The following PRPH2 variants were observed in gnomAD, a reference collection of about 807,000 sequenced individuals.
The protein encoded by PRPH2 is peripherin-2.
Under a neutral mutation model 31.3 loss-of-function variants are expected in PRPH2, and 17 were observed. The ratio of observed to expected loss-of-function variants is 0.54; its 90% CI spans 0.37 to 0.81. PRPH2 has a LOEUF of 0.81. PRPH2 is among the 40% of genes least tolerant of loss of function. The pLI is 0.00. For synonymous variants in PRPH2, 165 were observed against 184.4 expected (o/e 0.89, Z 0.85); for missense variants, 430 against 439.7 (o/e 0.98, Z 0.20).
chr6:42,720,176 G>A (rs956663251), intron 1 of PRPH2, among the ~76,000 whole-genome samples: 8 of 152,188 alleles, frequency 5.3e-5, no homozygotes, highest in African/African-American at 1.9e-4. Context: ...ACCATTGAGA[G>A]TGGAGTGACC....
chr6:42,717,705 C>T (rs1761814855), intron 1 of PRPH2, among the ~76,000 whole-genome samples: 1 of 152,020 alleles, frequency 6.6e-6, no homozygotes, highest in Non-Finnish European at 1.5e-5. Flanking sequence ...GGAGTAAATG[C>T]CATTCCACAG....
At chr6:42,702,229 T>G in intron 2 of PRPH2, among the ~76,000 whole-genome samples, 1 of 145,980 alleles carries the variant, frequency 6.9e-6, no homozygotes. Flanking sequence ...GCAACAAGAG[T>G]GAAACTCTGT....
At position 42,722,090 on chromosome 6, in the gene PRPH2, C is replaced by A; in HGVS notation, c.245G>T (p.Cys82Phe). 6.2e-7 allele frequency: 1 copy of A among 1,614,192 alleles called. No homozygotes were observed. Among genetic ancestry groups the A allele is most frequent in the Non-Finnish European group, 8.5e-7 (1 of 1,180,036 alleles). The change falls in exon 1 of 3, where the codon TGC becomes TTC. Residue 82 changes from cysteine (C) to phenylalanine (F), a missense_variant. Cys to Phe is a radical substitution (Grantham distance 205). Coordinates refer to ENST00000230381, the MANE Select transcript of PRPH2 (RefSeq NM_000322.5). The surrounding 1 kb of genome is among the most constrained non-coding windows in gnomAD (Gnocchi z 4.4). Reference sequence around the variant, plus strand: ...CTTGGCTGGGTCCAGGGCGTCGTAGCAGATCTTCCCAGCCAGCGAGTTGAA... The same window carrying A: ...CTTGGCTGGGTCCAGGGCGTCGTAGAAGATCTTCCCAGCCAGCGAGTTGAA... ...CVFNSLAGKI[C>F]YDALDPAKYA...
intron 1 of PRPH2, among the ~76,000 whole-genome samples, chr6:42,706,498 G>A (rs12207176): frequency 0.26 from 39,387 of 151,212 alleles, 5,618 homozygotes; most frequent in African/African-American, 0.38. Context: ...CCAGCTATTC[G>A]GGAGGCTGAG....
intron 2 of PRPH2, among the ~76,000 whole-genome samples, chr6:42,702,907 T>C (rs904325402): frequency 6.6e-6 from 1 of 151,760 alleles, no homozygotes; most frequent in Non-Finnish European, 1.5e-5. Context: ...CCAGATGCAG[T>C]GGCACACACC....
intron 1 of PRPH2, among the ~76,000 whole-genome samples, chr6:42,716,028 G>A (rs974163823): frequency 9.2e-5 from 14 of 152,204 alleles, no homozygotes; most frequent in Non-Finnish European, 1.5e-4. Context: ...AGAATGGAAA[G>A]TTATTCCAGG....
intron 1 of PRPH2, 37 bp from the exon 2 acceptor site, chr6:42,704,648 G>A (rs369211324): frequency 8.1e-6 from 13 of 1,613,918 alleles, no homozygotes; most frequent in South Asian, 2.2e-5. Context: ...TGGGCTTCCC[G>A]GGCTTCTCAA....
chr6:42,719,244 C>G (rs1212108974), intron 1 of PRPH2, among the ~76,000 whole-genome samples: 3 of 151,450 alleles, frequency 2.0e-5, no homozygotes, highest in Non-Finnish European at 4.4e-5. Flanking sequence ...TCTCGGCTCA[C>G]TGCAACCCCC....
At chr6:42,716,340 G>A (rs1019785380) in intron 1 of PRPH2, among the ~76,000 whole-genome samples, 2 of 151,830 alleles carry the variant, frequency 1.3e-5, no homozygotes, top group Non-Finnish European at 2.9e-5. Context: ...TGGGATGGTT[G>A]CTTGAAACCA....
intron 2 of PRPH2, among the ~76,000 whole-genome samples, chr6:42,703,545 G>C (rs941331147): frequency 6.6e-6 from 1 of 152,182 alleles, no homozygotes; most frequent in Non-Finnish European, 1.5e-5. Context: ...TGGGGACACA[G>C]GATGAACCTC....
At chr6:42,712,723 T>C (rs1228781122) in intron 1 of PRPH2, among the ~76,000 whole-genome samples, 1 of 151,582 alleles carries the variant, frequency 6.6e-6, no homozygotes, top group East Asian at 1.9e-4. Flanking sequence ...AGCCTGTTTT[T>C]TCCTTTTTTT....
Position 42,698,192 on chromosome 6 carries a change from C to T in PRPH2, c.*103G>A, listed in dbSNP as rs1799979959. 11 of 1,505,852 alleles carry T rather than the reference C, an allele frequency of 7.3e-6. No homozygotes were observed. Among genetic ancestry groups the T allele is most frequent in the Middle Eastern group, 2.4e-4 (1 of 4,216 alleles). The allele number at this position is 1,505,852 out of a possible 1,614,324, so 93.3% of individuals were successfully genotyped here. A position where few individuals can be genotyped will look rare whatever the true frequency, so the allele number is the denominator to read the frequency against. ...GGGAGAGTCTCTGTAAGATGGTGCCCTCCTTGGGAGATTCAGACTTTCGGA... is the reference window on the plus strand; with the variant it reads ...GGGAGAGTCTCTGTAAGATGGTGCCTTCCTTGGGAGATTCAGACTTTCGGA... On this transcript the variant is annotated 3_prime_UTR_variant, in exon 3 of 3. Transcript: ENST00000230381.
chr6:42,720,841 C>G (rs904739463), intron 1 of PRPH2, among the ~76,000 whole-genome samples: 16 of 152,190 alleles, frequency 1.1e-4, no homozygotes, highest in Admixed American at 1.0e-3. Flanking sequence ...TCACTCGAGC[C>G]CCAGGTTGGT....
At chr6:42,717,632 A>T (rs1582776755) in intron 1 of PRPH2, among the ~76,000 whole-genome samples, 1 of 152,112 alleles carries the variant, frequency 6.6e-6, no homozygotes, top group Non-Finnish European at 1.5e-5. Flanking sequence ...AACTCACTAA[A>T]CCCTCCAAAA....
intron 1 of PRPH2, among the ~76,000 whole-genome samples, chr6:42,705,599 A>AAAAAAATATATAT (rs1562424252): frequency 7.0e-4 from 15 of 21,500 alleles, no homozygotes; most frequent in Non-Finnish European, 9.3e-4. Context: ...AAAAAAAAAA[A>AAAAAAATATATAT]ATATATATAT....
chr6:42,707,368 T>C (rs1338636500), intron 1 of PRPH2, among the ~76,000 whole-genome samples: 3 of 152,224 alleles, frequency 2.0e-5, no homozygotes, highest in Non-Finnish European at 4.4e-5. Flanking sequence ...TCAGTCATTT[T>C]GCATATTGTG....
At chr6:42,720,393 C>A (rs1761877992) in intron 1 of PRPH2, among the ~76,000 whole-genome samples, 1 of 152,124 alleles carries the variant, frequency 6.6e-6, no homozygotes, top group African/African-American at 2.4e-5. Context: ...GCTTGTCCCC[C>A]TGGCTTCATG....
At chr6:42,715,634 G>A (rs750325896) in intron 1 of PRPH2, among the ~76,000 whole-genome samples, 7 of 152,176 alleles carry the variant, frequency 4.6e-5, no homozygotes, top group Non-Finnish European at 8.8e-5. Flanking sequence ...TCGTGCCACT[G>A]CACTTCAGCC....
At chr6:42,702,916 C>G (rs1188340600) in intron 2 of PRPH2, among the ~76,000 whole-genome samples, 3 of 151,606 alleles carry the variant, frequency 2.0e-5, no homozygotes, top group Non-Finnish European at 2.9e-5. Flanking sequence ...GTGGCACACA[C>G]CTGTAATCCC....
Sources: allele counts gnomAD v4.1 joint callset (sites outside exome capture counted in the v4.1 genomes callset), GRCh38; gene constraint gnomAD v4.1.1; non-coding constraint Gnocchi (gnomAD v3.1); transcripts MANE v1.5; gene names NCBI Gene and HGNC (gene_info 2026-07-23, HGNC 2026-07-21).